The following SKAP2 variants were observed in gnomAD, a reference collection of about 807,000 sequenced individuals.
SKAP2 encodes src kinase associated phosphoprotein 2.
Under a neutral mutation model 54.9 loss-of-function variants are expected in SKAP2, and 28 were observed. The ratio of observed to expected loss-of-function variants is 0.51; its 90% CI spans 0.38 to 0.70. SKAP2 has a LOEUF of 0.70. Ranked by LOEUF, SKAP2 falls within the 30% of genes least tolerant of loss-of-function variation. The probability of loss-of-function intolerance (pLI) is 0.00; values close to 1 mark genes in which losing one functional copy is unlikely to be tolerated. For synonymous variants in SKAP2, 137 were observed against 134.3 expected (o/e 1.02, Z -0.14); for missense variants, 356 against 424.1 (o/e 0.84, Z 1.41).
chr7:26,757,610 T>C (rs1782823825), intron 4 of SKAP2, among the ~76,000 whole-genome samples: 1 of 152,224 alleles, frequency 6.6e-6, no homozygotes, highest in African/African-American at 2.4e-5. Context: ...GGTAGCGTGA[T>C]GCCTCCAGCT....
intron 6 of SKAP2, among the ~76,000 whole-genome samples, chr7:26,735,010 C>T (rs1438853374): frequency 6.6e-6 from 1 of 152,116 alleles, no homozygotes; most frequent in African/African-American, 2.4e-5. Flanking sequence ...CAATTAGTTT[C>T]CCTCCTTTGT....
chr7:26,759,666 C>G (rs1782880848), intron 4 of SKAP2, among the ~76,000 whole-genome samples: 1 of 152,208 alleles, frequency 6.6e-6, no homozygotes, highest in Admixed American at 6.5e-5. Flanking sequence ...TATCCCTTCT[C>G]AACTCCAGTT....
At chr7:26,728,282 A>G (rs1189278854) in intron 6 of SKAP2, among the ~76,000 whole-genome samples, 2 of 152,198 alleles carry the variant, frequency 1.3e-5, no homozygotes, top group East Asian at 3.8e-4. Flanking sequence ...CTGTGATCAA[A>G]TCAATTTGGG....
chr7:26,790,862 A>G (rs1194181227), intron 4 of SKAP2, among the ~76,000 whole-genome samples: 1 of 152,244 alleles, frequency 6.6e-6, no homozygotes, highest in African/African-American at 2.4e-5. Context: ...CATACTATAT[A>G]AAAAGTCTTG....
chr7:26,806,917 A>G (rs562043665), intron 4 of SKAP2, among the ~76,000 whole-genome samples: 27 of 152,318 alleles, frequency 1.8e-4, no homozygotes, highest in Admixed American at 1.6e-3. Context: ...AAGTGCAAGG[A>G]GTTTGGAAGA....
intron 4 of SKAP2, among the ~76,000 whole-genome samples, chr7:26,779,522 T>A (rs1783381711): frequency 6.6e-6 from 1 of 152,068 alleles, no homozygotes; most frequent in African/African-American, 2.4e-5. Flanking sequence ...TACATTTTAA[T>A]CTTTCCCTAA....
intron 11 of SKAP2, among the ~76,000 whole-genome samples, chr7:26,676,865 G>A (rs1786360210): frequency 6.6e-6 from 1 of 152,210 alleles, no homozygotes; most frequent in African/African-American, 2.4e-5. Flanking sequence ...TGACAGCTGG[G>A]CTGAGACTCC....
At chr7:26,786,058 G>A (rs1783537783) in intron 4 of SKAP2, among the ~76,000 whole-genome samples, 1 of 152,170 alleles carries the variant, frequency 6.6e-6, no homozygotes, top group South Asian at 2.1e-4. Flanking sequence ...CTGTGGGACA[G>A]GGCACAACTG....
At chr7:26,798,488 G>A (rs1333203320) in intron 4 of SKAP2, among the ~76,000 whole-genome samples, 1 of 152,036 alleles carries the variant, frequency 6.6e-6, no homozygotes, top group Non-Finnish European at 1.5e-5. Context: ...ATCAATACCA[G>A]ACCTGTCCTA....
chr7:26,656,855 CCTT>C, the SKAP2 span, among the ~76,000 whole-genome samples: 1 of 151,830 alleles, frequency 6.6e-6, no homozygotes, highest in South Asian at 2.1e-4. Context: ...AAAAAAAAGA[CCTT>C]CTACAAAAGC....
At chr7:26,664,079 G>A (rs1013016772), downstream of SKAP2, among the ~76,000 whole-genome samples, 4 of 152,144 alleles carry the variant, frequency 2.6e-5, no homozygotes, top group South Asian at 2.1e-4. Flanking sequence ...CCTATTATAT[G>A]CAAAGAATCC....
intron 11 of SKAP2, among the ~76,000 whole-genome samples, chr7:26,673,617 T>C (rs753876820): frequency 6.6e-6 from 1 of 152,022 alleles, no homozygotes; most frequent in African/African-American, 2.4e-5. Context: ...GCAAAATGGA[T>C]GGCTTCAAGG....
chr7:26,687,331 T>C (rs965976184), intron 10 of SKAP2, among the ~76,000 whole-genome samples: 18 of 151,654 alleles, frequency 1.2e-4, no homozygotes, highest in African/African-American at 4.1e-4. Context: ...TTTGGCAATA[T>C]GGGAAAAAGA....
chr7:26,700,274 T>C (rs1341204939), intron 9 of SKAP2, among the ~76,000 whole-genome samples: 1 of 152,226 alleles, frequency 6.6e-6, no homozygotes, highest in Admixed American at 6.5e-5. Flanking sequence ...CAGTTATATG[T>C]CCACCAATTC....
chr7:26,762,068 G>C (rs1254197691), intron 4 of SKAP2, among the ~76,000 whole-genome samples: 1 of 152,106 alleles, frequency 6.6e-6, no homozygotes, highest in African/African-American at 2.4e-5. Flanking sequence ...ATACTATCTT[G>C]AAACAGTGAC....
At chr7:26,798,126 A>C (rs1783822281) in intron 4 of SKAP2, among the ~76,000 whole-genome samples, 1 of 152,078 alleles carries the variant, frequency 6.6e-6, no homozygotes, top group Non-Finnish European at 1.5e-5. Context: ...CCAAAGGTTA[A>C]AGCATTTAAT....
Position 26,815,624 on chromosome 7 carries a change from C to T in SKAP2, c.307+28406G>A, listed in dbSNP as rs192346839. On this transcript the variant is annotated intron_variant, in intron 4 of 12. Transcript: ENST00000345317. Reference sequence around the variant, plus strand: ...AAATTAAGTCTACAGATTGGCAGTTCGACCCTGTGATTATTGCCCAAGGGA... The same window carrying T: ...AAATTAAGTCTACAGATTGGCAGTTTGACCCTGTGATTATTGCCCAAGGGA... Among the ~76,000 whole-genome samples the T allele has an allele frequency of 9.9e-4, 151 of 152,136 alleles. 1 individual carries two copies. Among genetic ancestry groups the T allele is most frequent in the Non-Finnish European group, 1.5e-3 (105 of 67,990 alleles).
chr7:26,725,819 G>A (rs1281024820), intron 8 of SKAP2, 104 bp downstream of exon 8: 7 of 955,714 alleles, frequency 7.3e-6, no homozygotes, highest in Non-Finnish European at 1.1e-5. Flanking sequence ...ATTCAAGTTG[G>A]TCATTCTCAC....
chr7:26,791,158 C>T (rs1039145798), intron 4 of SKAP2, among the ~76,000 whole-genome samples: 1 of 152,142 alleles, frequency 6.6e-6, no homozygotes, highest in Non-Finnish European at 1.5e-5. Context: ...ATTATCATAT[C>T]ACATATTTAG....
Sources: allele counts gnomAD v4.1 joint callset (sites outside exome capture counted in the v4.1 genomes callset), GRCh38; gene constraint gnomAD v4.1.1; transcripts MANE v1.5; gene names NCBI Gene and HGNC (gene_info 2026-07-23, HGNC 2026-07-21).